PIN4: variants seen among roughly 807,000 people sequenced by gnomAD.
PIN4 encodes the protein peptidyl-prolyl cis-trans isomerase NIMA-interacting 4.
PIN4 carries 3 observed loss-of-function variants against 8.3 expected under a neutral mutation model. The ratio of observed to expected loss-of-function variants is 0.36; its 90% CI spans 0.16 to 0.93. The LOEUF (loss-of-function observed/expected upper bound fraction) is 0.93, where lower values mean the gene tolerates loss of function less well. Ranked by LOEUF, PIN4 falls within the 40% of genes least tolerant of loss-of-function variation. The pLI is 0.44. For missense variants in PIN4, 75 were observed against 100.6 expected, an observed-to-expected ratio of 0.75 and a Z score of 1.09; for synonymous variants, 18 against 32.5, an observed-to-expected ratio of 0.55 and a Z score of 1.52.
chrX:72,193,121 T>G (rs2042744594), intron 2 of PIN4, among the ~76,000 whole-genome samples: 1 of 111,518 alleles, frequency 9.0e-6, no homozygotes, highest in Admixed American at 9.6e-5. Context: ...TTGGTCACAC[T>G]TGCAGACCCC....
intron 1 of PIN4, among the ~76,000 whole-genome samples, chrX:72,185,556 C>T (rs1443578440): frequency 1.8e-5 from 2 of 112,308 alleles, no homozygotes; most frequent in Non-Finnish European, 3.8e-5. Context: ...CATCTTTGTA[C>T]TCCCAGTGCC....
intron 3 of PIN4, chrX:72,208,371 G>C: frequency 8.3e-7 from 1 of 1,211,568 alleles, no homozygotes; most frequent in Non-Finnish European, 1.1e-6. Context: ...GGAAAGCAAT[G>C]ATTTGAACAG....
At chrX:72,233,376 G>C (rs1406110314) in intron 3 of PIN4, among the ~76,000 whole-genome samples, 1 of 111,729 alleles carries the variant, frequency 9.0e-6, no homozygotes, top group Non-Finnish European at 1.9e-5. Flanking sequence ...AGAAGTTCAA[G>C]AAACATAAAA....
intron 1 of PIN4, among the ~76,000 whole-genome samples, chrX:72,185,663 C>T (rs2042699297): frequency 8.9e-6 from 1 of 112,001 alleles, no homozygotes; most frequent in Admixed American, 9.6e-5. Context: ...ATGTAGGCTG[C>T]CATTGACACA....
chrX:72,214,439 C>T (rs1453679883), intron 3 of PIN4, among the ~76,000 whole-genome samples: 2 of 111,267 alleles, frequency 1.8e-5, no homozygotes, highest in African/African-American at 3.3e-5. Context: ...TTTGGGAGGC[C>T]GAGGCGGTTG....
At chrX:72,184,218 G>A (rs2042687219) in intron 1 of PIN4, among the ~76,000 whole-genome samples, 1 of 112,031 alleles carries the variant, frequency 8.9e-6, no homozygotes, top group Non-Finnish European at 1.9e-5. Flanking sequence ...GAAGGAACAT[G>A]GGGTCCAGAG....
chrX:72,234,174 A>G (rs1006933834), intron 3 of PIN4, among the ~76,000 whole-genome samples: 2 of 112,205 alleles, frequency 1.8e-5, no homozygotes, highest in Non-Finnish European at 3.8e-5. Context: ...GTGAAATGTC[A>G]TATCTGGGGA....
intron 3 of PIN4, among the ~76,000 whole-genome samples, chrX:72,247,153 A>G (rs369924708): frequency 1.8e-5 from 2 of 111,634 alleles, no homozygotes; most frequent in East Asian, 2.8e-4. Flanking sequence ...GGGAGGGCCA[A>G]GCATACCCAT....
chrX:72,198,282 G>A lies in PIN4; in HGVS notation c.*756G>A. On this transcript the variant is annotated 3_prime_UTR_variant, in exon 4 of 4. Coordinates refer to ENST00000373669, the MANE Select transcript of PIN4 (RefSeq NM_006223.4). The stretch of plus-strand genomic sequence containing the variant: ...TGCCATATTTATGACATATAAAAAA[G>A]TATAAAGATTACTAATATAAATACT... 1.4e-6 allele frequency: 1 copy of A among 711,129 alleles called. No individual in the cohort carries two copies. The highest frequency in any genetic ancestry group is 8.3e-4 in the Middle Eastern group (1 of 1,211). The allele number at this position is 711,129 out of a possible 1,213,427, so 58.6% of individuals were successfully genotyped here.
chrX:72,208,831 C>T lies in PIN4; in HGVS notation c.312+11927C>T, dbSNP rs895265423. The T allele has an allele frequency of 5.8e-6, 3 of 519,896 alleles. No individual in the cohort carries two copies. The South Asian group carries it at 1.2e-4, about 21-fold the overall frequency. The allele number at this position is 519,896 out of a possible 1,213,427, so 42.8% of individuals were successfully genotyped here. ...CTCAATTCAGGATGGGAAAGATTAG[C>T]ACACAAGATGCCAATGAAAGCTGGC... On this transcript the variant is annotated intron_variant, in intron 3 of 3. Coordinates refer to the PIN4 transcript ENST00000423432.
At chrX:72,221,086 G>T (rs2042920465) in intron 3 of PIN4, among the ~76,000 whole-genome samples, 1 of 111,833 alleles carries the variant, frequency 8.9e-6, no homozygotes, top group Admixed American at 9.5e-5. Context: ...GCTCTGGCCG[G>T]GGCTACTCCC....
At chrX:72,203,641 A>G (rs948542327) in intron 3 of PIN4, among the ~76,000 whole-genome samples, 5 of 112,209 alleles carry the variant, frequency 4.5e-5, no homozygotes, top group African/African-American at 1.6e-4. Context: ...TCAGTGTATT[A>G]TAGTGTATTC....
intron 1 of PIN4, among the ~76,000 whole-genome samples, chrX:72,183,664 G>C (rs2042684576): frequency 8.9e-6 from 1 of 112,344 alleles, no homozygotes; most frequent in Non-Finnish European, 1.9e-5. Context: ...GGACTTCTTG[G>C]AAAGTTTTAA....
intron 2 of PIN4, among the ~76,000 whole-genome samples, chrX:72,192,796 C>G (rs2042742763): frequency 9.1e-6 from 1 of 110,486 alleles, no homozygotes; most frequent in Non-Finnish European, 1.9e-5. Context: ...GGGGGTCTTA[C>G]TATGTTGCCC....
At chrX:72,223,180 CA>C (rs1163330497) in intron 3 of PIN4, among the ~76,000 whole-genome samples, 10 of 94,584 alleles carry the variant, frequency 1.1e-4, no homozygotes, top group East Asian at 3.7e-4. Flanking sequence ...ACTAAAAATA[CA>C]AAAAAAAAAT....
intron 3 of PIN4, among the ~76,000 whole-genome samples, chrX:72,229,312 C>T (rs775650285): frequency 3.6e-5 from 4 of 111,903 alleles, no homozygotes; most frequent in Non-Finnish European, 7.5e-5. Context: ...GGAGCATTTC[C>T]GCAACTGGCT....
At chrX:72,248,011 T>G (rs2043073159) in intron 3 of PIN4, among the ~76,000 whole-genome samples, 1 of 111,194 alleles carries the variant, frequency 9.0e-6, no homozygotes. Flanking sequence ...CCATCCTTTG[T>G]GAGCAGCTAA....
chrX:72,196,822 T>A lies in PIN4; in HGVS notation c.155T>A (p.Met52Lys). ...CTATGTGAAAAACATGGCAAAATCA[T>A]GGAAGCCATGGAAAAGTTAAAGTCT... ...HILCEKHGKIMEAMEKLKSGM... is the reference protein window; with the variant it reads ...HILCEKHGKIKEAMEKLKSGM... The change falls in exon 3 of 4, where the codon ATG (methionine) becomes AAG (lysine). Residue 52 changes from methionine to lysine, a missense_variant. Coordinates refer to ENST00000373669, the MANE Select transcript of PIN4 (RefSeq NM_006223.4). 1 of 1,201,068 alleles carries A rather than the reference T, an allele frequency of 8.3e-7. No homozygotes were observed. Among genetic ancestry groups the A allele is most frequent in the Non-Finnish European group, 1.1e-6 (1 of 887,582 alleles).
At chrX:72,255,873 G>C (rs1305308075) in intron 3 of PIN4, 1 of 111,113 alleles carries the variant, frequency 9.0e-6, no homozygotes, top group East Asian at 2.8e-4. Context: ...CTGAATTAGG[G>C]ACTGAAGAAG....
Sources: allele counts gnomAD v4.1 joint callset (sites outside exome capture counted in the v4.1 genomes callset), GRCh38; gene constraint gnomAD v4.1.1; transcripts MANE v1.5; gene names NCBI Gene and HGNC (gene_info 2026-07-23, HGNC 2026-07-21).